ASIC2: variants seen among roughly 807,000 people sequenced by gnomAD.
ASIC2 encodes acid-sensing ion channel 2.
A neutral mutation model predicts 57.3 loss-of-function variants in ASIC2; 25 were observed. The observed-to-expected ratio is 0.44, with a 90% CI of 0.32 to 0.61. ASIC2 has a LOEUF of 0.61. Among genes scored for constraint, ASIC2 ranks in the 20% least tolerant of loss-of-function variants. The pLI, the probability that ASIC2 is intolerant of heterozygous loss-of-function variation, is 0.06. For missense variants in ASIC2, 641 were observed against 738.1 expected (o/e 0.87, Z 1.52); for synonymous variants, 319 against 307.5 (o/e 1.04, Z -0.39).
chr17:33,653,334 A>G (rs767238089), intron 1 of ASIC2, among the ~76,000 whole-genome samples: 6 of 152,076 alleles, frequency 3.9e-5, no homozygotes, highest in Non-Finnish European at 8.8e-5. Flanking sequence ...CACCTCTCCT[A>G]TCTCCTTTCT....
intron 1 of ASIC2, among the ~76,000 whole-genome samples, chr17:34,099,164 GAAAGAAAGAAAGAAAGAAAGAA>G (rs1910689897): frequency 1.9e-4 from 1 of 5,134 alleles, no homozygotes; most frequent in African/African-American, 3.9e-4. Context: ...GAGAGAGAGA[GAAAGAAAGAAAGAAAGAAAGAA>G]AGAAAGAAAG....
At chr17:33,978,541 G>A (rs1019029492) in intron 1 of ASIC2, among the ~76,000 whole-genome samples, 4 of 152,376 alleles carry the variant, frequency 2.6e-5, no homozygotes, top group African/African-American at 7.2e-5. Context: ...GTGCCTGCCC[G>A]CATAGTGCAC....
chr17:33,597,099 T>G (rs528742262), intron 1 of ASIC2, among the ~76,000 whole-genome samples: 27 of 152,236 alleles, frequency 1.8e-4, no homozygotes, highest in Non-Finnish European at 3.5e-4. Context: ...GCTGGCAGGC[T>G]GGCAGAGAAG....
At chr17:33,046,287 C>T (rs2091954420) in intron 3 of ASIC2, among the ~76,000 whole-genome samples, 1 of 152,120 alleles carries the variant, frequency 6.6e-6, no homozygotes, top group Non-Finnish European at 1.5e-5. Flanking sequence ...GAATAGCGGC[C>T]TTTTATTTCC....
intron 1 of ASIC2, among the ~76,000 whole-genome samples, chr17:33,155,254 T>C (rs1247292314): frequency 2.0e-5 from 3 of 152,362 alleles, no homozygotes; most frequent in South Asian, 2.1e-4. Context: ...CGAATCCTTA[T>C]CTCGCTTATC....
chr17:33,869,856 T>C (rs954938635), intron 1 of ASIC2, among the ~76,000 whole-genome samples: 2 of 152,244 alleles, frequency 1.3e-5, no homozygotes, highest in African/African-American at 4.8e-5. Context: ...CTAAAAGCCA[T>C]TGCACTGTGC....
intron 1 of ASIC2, among the ~76,000 whole-genome samples, chr17:33,546,152 A>AAT (rs1398556177): frequency 1.3e-5 from 2 of 149,906 alleles, no homozygotes; most frequent in Admixed American, 6.7e-5. Context: ...TGTATATGTA[A>AAT]ATATATATAC....
At chr17:34,051,318 G>A (rs1440708528) in intron 1 of ASIC2, among the ~76,000 whole-genome samples, 1 of 152,134 alleles carries the variant, frequency 6.6e-6, no homozygotes, top group Non-Finnish European at 1.5e-5. Context: ...GGGCTGTGGT[G>A]GAAAATGCAC....
chr17:33,926,121 A>G (rs1025801519), intron 1 of ASIC2, among the ~76,000 whole-genome samples: 2 of 152,184 alleles, frequency 1.3e-5, no homozygotes, highest in Non-Finnish European at 2.9e-5. Flanking sequence ...GTGGTTGAGT[A>G]CCTGAAAGTT....
intron 1 of ASIC2, among the ~76,000 whole-genome samples, chr17:33,708,879 C>T (rs1242406141): frequency 6.6e-6 from 1 of 152,172 alleles, no homozygotes; most frequent in Admixed American, 6.5e-5. Flanking sequence ...TCAAAAATTT[C>T]TGGTTGGACT....
intron 1 of ASIC2, among the ~76,000 whole-genome samples, chr17:33,270,857 A>G (rs1904465223): frequency 6.6e-6 from 1 of 152,354 alleles, no homozygotes; most frequent in South Asian, 2.1e-4. Context: ...CACCTACTCT[A>G]TGCCAGGCCC....
chr17:33,648,891 A>G (rs904951246), intron 1 of ASIC2, among the ~76,000 whole-genome samples: 1 of 152,230 alleles, frequency 6.6e-6, no homozygotes, highest in Non-Finnish European at 1.5e-5. Context: ...TTAAAACTTC[A>G]GAAAAATAGA....
At chr17:33,059,992 C>CT (rs1284625746) in intron 3 of ASIC2, among the ~76,000 whole-genome samples, 1 of 152,080 alleles carries the variant, frequency 6.6e-6, no homozygotes, top group Non-Finnish European at 1.5e-5. Context: ...CCTTTGCCCA[C>CT]TTTTTGATGG....
In ASIC2 at chr17:33,807,642, CA is replaced by C. The variant is rs577693447; in HGVS notation, c.555+348335del. On this transcript the variant is annotated intron_variant, in intron 1 of 9. Transcript: ENST00000359872. ...AAAAATTACTTCTAACTAGGTTCCC[CA>C]CTTCTAATCTTGGGCCCCTCCTCAT... Among the ~76,000 whole-genome samples the C allele has an allele frequency of 7.5e-4, 114 of 152,254 alleles. No individual in the cohort carries two copies. The East Asian group carries it at 0.016, about 21-fold the overall frequency.
rs2142185334 is a variant in ASIC2, at chr17:33,293,198, C to G, written c.-1083G>C. Among the ~76,000 whole-genome samples, 1 of 152,314 alleles carries G rather than the reference C, an allele frequency of 6.6e-6. No individual in the cohort carries two copies. The highest frequency in any genetic ancestry group is 2.1e-4 in the South Asian group (1 of 4,830). The stretch of plus-strand genomic sequence containing the variant: ...TCCTTCCCCGGTTGCCCGGGAGAAC[C>G]CTCTTTGGGCCCCAGGCGAACTTGG... On this transcript the variant is annotated 5_prime_UTR_variant, in exon 1 of 10. Transcript: ENST00000225823.
At chr17:33,581,216 T>C (rs1252629068) in intron 1 of ASIC2, 1 of 152,222 alleles carries the variant, frequency 6.6e-6, no homozygotes, top group African/African-American at 2.4e-5. Flanking sequence ...TTCAACTTTC[T>C]GTTGCTGGCC....
intron 1 of ASIC2, among the ~76,000 whole-genome samples, chr17:33,964,997 G>A (rs1905034887): frequency 6.6e-6 from 1 of 152,184 alleles, no homozygotes; most frequent in Non-Finnish European, 1.5e-5. Context: ...GGCTGGGTGA[G>A]TGTTAGGGGA....
intron 7 of ASIC2, 51 bp from the exon 8 acceptor site, chr17:33,017,735 A>C (rs1351919312): frequency 1.9e-6 from 3 of 1,543,098 alleles, no homozygotes; most frequent in Non-Finnish European, 2.7e-6. Context: ...AGCTTCCAGG[A>C]AGGGTGAACA....
intron 1 of ASIC2, among the ~76,000 whole-genome samples, chr17:33,507,957 A>G (rs1914315222): frequency 6.6e-6 from 1 of 152,178 alleles, no homozygotes; most frequent in East Asian, 1.9e-4. Flanking sequence ...AAAATATGCC[A>G]TAGTCTGAAT....
Sources: allele counts gnomAD v4.1 joint callset (sites outside exome capture counted in the v4.1 genomes callset), GRCh38; gene constraint gnomAD v4.1.1; transcripts MANE v1.5; gene names NCBI Gene and HGNC (gene_info 2026-07-23, HGNC 2026-07-21).